Variants in MTTP observed in about 807,000 individuals in gnomAD.
MTTP encodes the protein microsomal triglyceride transfer protein.
In MTTP, 49 loss-of-function variants were observed where a neutral mutation model predicts 90.6. That is an observed-to-expected ratio of 0.54 (90% CI 0.43 to 0.69). The LOEUF is 0.69. Ranked by LOEUF, MTTP falls within the 30% of genes least tolerant of loss-of-function variation. MTTP has a pLI of 0.00. For missense variants in MTTP, 945 were observed against 1,067.5 expected, an observed-to-expected ratio of 0.89 and a Z score of 1.60; for synonymous variants, 347 against 384.2, an observed-to-expected ratio of 0.90 and a Z score of 1.13.
chr4:99,584,755 G>T (rs926806537), intron 3 of MTTP, among the ~76,000 whole-genome samples: 1 of 152,044 alleles, frequency 6.6e-6, no homozygotes, highest in Non-Finnish European at 1.5e-5. Context: ...TTATCACTTT[G>T]TTTTTGGTCA....
chr4:99,606,629 C>T (rs1725822481), intron 10 of MTTP, 119 bp from the exon 11 acceptor site: 3 of 961,668 alleles, frequency 3.1e-6, no homozygotes, highest in African/African-American at 1.6e-5. Flanking sequence ...AGTCAAGCAA[C>T]CAATGCAAAA....
chr4:99,577,777 A>G (rs114230624), intron 1 of MTTP, among the ~76,000 whole-genome samples: 180 of 152,118 alleles, frequency 1.2e-3, no homozygotes, highest in African/African-American at 4.0e-3. Flanking sequence ...ACTTTTTCTT[A>G]ATTATACTTT....
At chr4:99,587,867 C>T (rs1725294983) in intron 3 of MTTP, among the ~76,000 whole-genome samples, 1 of 152,068 alleles carries the variant, frequency 6.6e-6, no homozygotes, top group South Asian at 2.1e-4. Flanking sequence ...ATATAGTTTA[C>T]AAAATAGAAC....
intron 10 of MTTP, among the ~76,000 whole-genome samples, chr4:99,603,624 A>G (rs1489862225): frequency 1.3e-5 from 2 of 152,166 alleles, no homozygotes; most frequent in African/African-American, 4.8e-5. Context: ...TACCAGGTGT[A>G]TGGTGATGCC....
intron 14 of MTTP, among the ~76,000 whole-genome samples, 189 bp from the exon 15 acceptor site, chr4:99,612,724 A>G (rs1276071479): frequency 6.6e-6 from 1 of 152,190 alleles, no homozygotes; most frequent in Non-Finnish European, 1.5e-5. Context: ...GTGAGGATTC[A>G]ATGAAAAACT....
intron 11 of MTTP, among the ~76,000 whole-genome samples, chr4:99,608,394 G>A (rs1036709098): frequency 4.6e-5 from 7 of 152,122 alleles, no homozygotes; most frequent in African/African-American, 1.7e-4. Context: ...GCAGTGAGCC[G>A]AGATCGTGCC....
At position 99,592,140 on chromosome 4, in the gene MTTP, G is replaced by GAA. The variant is rs141204579; in HGVS notation, c.758+354_758+355dup. Among the ~76,000 whole-genome samples, 123 of 152,224 alleles carry GAA rather than the reference G, an allele frequency of 8.1e-4. 2 individuals carry two copies. The East Asian group carries it at 0.023, about 29-fold the overall frequency. On this transcript the variant is annotated intron_variant, in intron 6 of 17. Coordinates refer to ENST00000265517, the MANE Select transcript of MTTP (RefSeq NM_001386140.1). ...TATCTAGACATAGAAAAAGTCAGCA[G>GAA]AAAAATACAGTATAAAAGATACTAT...
At chr4:99,600,960 A>G (rs2110224894) in intron 9 of MTTP, among the ~76,000 whole-genome samples, 1 of 152,288 alleles carries the variant, frequency 6.6e-6, no homozygotes, top group Non-Finnish European at 1.5e-5. Context: ...CTATATGGAA[A>G]TTTAAAGATT....
intron 15 of MTTP, among the ~76,000 whole-genome samples, chr4:99,613,427 G>A (rs1468909280): frequency 4.6e-5 from 7 of 152,198 alleles, no homozygotes; most frequent in Non-Finnish European, 1.0e-4. Flanking sequence ...AGCTACCACT[G>A]TCTCCTCACT....
intron 7 of MTTP, among the ~76,000 whole-genome samples, chr4:99,596,593 G>A (rs1560619411): frequency 1.3e-5 from 2 of 152,228 alleles, no homozygotes; most frequent in East Asian, 3.9e-4. Flanking sequence ...TAAAGAGAGA[G>A]AATAGGGAGC....
chr4:99,588,060 TA>T (rs1459705699), intron 3 of MTTP, among the ~76,000 whole-genome samples: 1 of 152,142 alleles, frequency 6.6e-6, no homozygotes, highest in African/African-American at 2.4e-5. Flanking sequence ...AAGTACCTAG[TA>T]AATCCATCAC....
At chr4:99,604,516 G>T (rs374075356) in intron 10 of MTTP, among the ~76,000 whole-genome samples, 1 of 152,066 alleles carries the variant, frequency 6.6e-6, no homozygotes, top group African/African-American at 2.4e-5. Flanking sequence ...TTCATCAGTT[G>T]TTAACGTATT....
intron 1 of MTTP, among the ~76,000 whole-genome samples, chr4:99,565,725 G>C (rs1724672176): frequency 6.6e-6 from 1 of 152,164 alleles, no homozygotes; most frequent in South Asian, 2.1e-4. Context: ...TGCTCCTTGA[G>C]GCAGAGGACA....
chr4:99,619,100 T>C lies in MTTP; in HGVS notation c.2342+2T>C. On this transcript the variant is annotated splice_donor_variant, in intron 16 of 17. Coordinates refer to ENST00000265517, the MANE Select transcript of MTTP (RefSeq NM_001386140.1). LOFTEE classifies it high-confidence loss of function. ...GTCTAAAACCCGAGTGAAAAATAGGTAAGTGTTTATGCATTATACATTTAT... is the reference window on the plus strand; with the variant it reads ...GTCTAAAACCCGAGTGAAAAATAGGCAAGTGTTTATGCATTATACATTTAT... 6.2e-7 allele frequency: 1 copy of C among 1,612,266 alleles called. No individual in the cohort carries two copies. Among genetic ancestry groups the C allele is most frequent in the Non-Finnish European group, 8.5e-7 (1 of 1,178,452 alleles).
chr4:99,616,926 A>G (rs1423922230), intron 15 of MTTP, among the ~76,000 whole-genome samples: 1 of 152,182 alleles, frequency 6.6e-6, no homozygotes, highest in Non-Finnish European at 1.5e-5. Context: ...GTTGGTGGGA[A>G]GGCCAAGATC....
upstream of MTTP, among the ~76,000 whole-genome samples, chr4:99,573,503 C>T (rs1014907089): frequency 9.2e-5 from 14 of 152,098 alleles, no homozygotes; most frequent in African/African-American, 3.1e-4. Flanking sequence ...GGTACTATAG[C>T]TATATTTTTT....
intron 8 of MTTP, among the ~76,000 whole-genome samples, chr4:99,599,565 C>A (rs1041530541): frequency 6.6e-6 from 1 of 152,142 alleles, no homozygotes; most frequent in Non-Finnish European, 1.5e-5. Context: ...ATTTATCAAT[C>A]ACTTACTATA....
intron 12 of MTTP, 63 bp from the exon 13 acceptor site, chr4:99,611,075 TCCAAA>T: frequency 6.5e-7 from 1 of 1,528,896 alleles, no homozygotes; most frequent in Admixed American, 1.7e-5. Flanking sequence ...ATTTTTTTTT[TCCAAA>T]TTTGACTTGG....
upstream of MTTP, among the ~76,000 whole-genome samples, chr4:99,571,416 A>G (rs1302374202): frequency 1.3e-5 from 2 of 151,972 alleles, no homozygotes; most frequent in East Asian, 1.9e-4. Context: ...AAGAGTTTAC[A>G]TCAATTCTCT....
Sources: gnomAD v4.1 joint callset for allele counts (sites outside exome capture counted in the v4.1 genomes callset) on GRCh38, gnomAD v4.1.1 for gene constraint, MANE v1.5 for transcripts, NCBI Gene and HGNC (gene_info 2026-07-23, HGNC 2026-07-21) for gene names.